Variants in SCD5 observed in about 807,000 individuals in gnomAD.
SCD5 encodes stearoyl-CoA desaturase 5, also known as acyl-CoA-desaturase 4.
SCD5 carries 20 observed loss-of-function variants against 30.4 expected under a neutral mutation model. The observed-to-expected ratio is 0.66, with a 90% CI of 0.46 to 0.96. The LOEUF is 0.96. Among genes scored for constraint, SCD5 ranks in the 40% least tolerant of loss-of-function variants. SCD5 has a pLI of 0.00. For missense variants in SCD5, 381 were observed against 443.3 expected (o/e 0.86, Z 1.26); for synonymous variants, 173 against 176.4 (o/e 0.98, Z 0.16).
intron 1 of SCD5, among the ~76,000 whole-genome samples, chr4:82,778,769 C>T (rs1180467407): frequency 6.6e-6 from 1 of 152,182 alleles, no homozygotes; most frequent in East Asian, 1.9e-4. Context: ...AATAACAGCT[C>T]CCAGAGATGT....
chr4:82,631,221 C>G lies in SCD5; in HGVS notation c.*106G>C. On this transcript the variant is annotated 3_prime_UTR_variant, in exon 5 of 5. Coordinates refer to ENST00000319540, the MANE Select transcript of SCD5 (RefSeq NM_001037582.3). ...CCCAAACCACATTGACTCGTTCCTT[C>G]CCCACCCTCTGCCCCCTCCCACGAT... The G allele has an allele frequency of 2.3e-6, 2 of 855,966 alleles. No individual in the cohort carries two copies. Among genetic ancestry groups the G allele is most frequent in the Non-Finnish European group, 3.4e-6 (2 of 580,028 alleles). 53.0% of individuals were successfully genotyped at this position (855,966 alleles called of 1,614,324 possible).
At chr4:82,691,177 C>T (rs1470362990) in intron 2 of SCD5, among the ~76,000 whole-genome samples, 1 of 152,182 alleles carries the variant, frequency 6.6e-6, no homozygotes, top group South Asian at 2.1e-4. Flanking sequence ...AGGCACTCAC[C>T]ACCACACCCA....
intron 3 of SCD5, among the ~76,000 whole-genome samples, chr4:82,670,210 T>C (rs1728279521): frequency 6.6e-6 from 1 of 152,042 alleles, no homozygotes; most frequent in South Asian, 2.1e-4. Flanking sequence ...CTTGGAATTG[T>C]CACACAGGAA....
chr4:82,707,476 T>C (rs1473150741), intron 1 of SCD5, among the ~76,000 whole-genome samples: 2 of 152,254 alleles, frequency 1.3e-5, no homozygotes, highest in African/African-American at 4.8e-5. Flanking sequence ...CTGGCATGCA[T>C]GGCCTTGTGT....
At chr4:82,756,059 G>A (rs1053935713) in intron 1 of SCD5, among the ~76,000 whole-genome samples, 3 of 152,150 alleles carry the variant, frequency 2.0e-5, no homozygotes, top group Non-Finnish European at 4.4e-5. Flanking sequence ...AGTGACAAGA[G>A]GCTCCAGGAG....
chr4:82,682,128 A>T (rs990176278), intron 2 of SCD5, among the ~76,000 whole-genome samples: 1 of 152,228 alleles, frequency 6.6e-6, no homozygotes, highest in East Asian at 1.9e-4. Context: ...GGAACAGGGC[A>T]GCACTCACTG....
intron 2 of SCD5, among the ~76,000 whole-genome samples, chr4:82,693,552 A>AAAAT (rs138796881): frequency 0.14 from 20,901 of 151,716 alleles, 1,669 homozygotes; most frequent in East Asian, 0.39. Context: ...ACTCTACAGC[A>AAAAT]AAATAAATAA....
At position 82,688,768 on chromosome 4, in the gene SCD5, C is replaced by G. The variant is rs550438751; in HGVS notation, c.364-7856G>C. Among the ~76,000 whole-genome samples the G allele has an allele frequency of 3.9e-5, 6 of 152,196 alleles. 1 individual carries two copies. The South Asian group carries it at 1.2e-3, about 32-fold the overall frequency. ...AGTAGTTTAAAAAGTGCCAATAAAACTTAAAGTTTGAAAAAAAGGAAAGAA... is the reference window on the plus strand; with the variant it reads ...AGTAGTTTAAAAAGTGCCAATAAAAGTTAAAGTTTGAAAAAAAGGAAAGAA... On this transcript the variant is annotated intron_variant, in intron 2 of 4. Transcript: ENST00000319540.
At chr4:82,653,707 T>TAGATGG (rs34976357) in intron 3 of SCD5, among the ~76,000 whole-genome samples, 1 of 61,630 alleles carries the variant, frequency 1.6e-5, no homozygotes, top group Non-Finnish European at 3.5e-5. Context: ...GATAGATAGA[T>TAGATGG]ATAGATAGAT....
At chr4:82,724,483 C>G (rs1321695594) in intron 1 of SCD5, among the ~76,000 whole-genome samples, 1 of 152,140 alleles carries the variant, frequency 6.6e-6, no homozygotes, top group Non-Finnish European at 1.5e-5. Context: ...ACAGACCTTG[C>G]TTTGTACAGA....
chr4:82,724,013 T>C (rs116476642), intron 1 of SCD5, among the ~76,000 whole-genome samples: 6,315 of 152,286 alleles, frequency 0.041, 185 homozygotes, highest in Non-Finnish European at 0.061. Flanking sequence ...CATTTAGGTG[T>C]AAATGGCCAC....
chr4:82,691,218 GT>G (rs1728828829), intron 2 of SCD5, among the ~76,000 whole-genome samples: 1 of 152,146 alleles, frequency 6.6e-6, no homozygotes, highest in Non-Finnish European at 1.5e-5. Context: ...TAGAGACGGG[GT>G]TTCATCATGT....
chr4:82,728,823 T>G (rs1261393488), intron 1 of SCD5, among the ~76,000 whole-genome samples: 4 of 152,230 alleles, frequency 2.6e-5, no homozygotes, highest in Non-Finnish European at 5.9e-5. Flanking sequence ...AATTAAACTC[T>G]TTCTCTACTG....
chr4:82,741,739 G>C (rs1208623598), intron 1 of SCD5, among the ~76,000 whole-genome samples: 2 of 151,064 alleles, frequency 1.3e-5, no homozygotes, highest in Non-Finnish European at 2.9e-5. Context: ...ATACCTACAT[G>C]ACTGTGAAAC....
rs57727794 is a variant in SCD5 at position 82,658,630 on chromosome 4, C to CTTTTTTTTTTTT, written c.570-21819_570-21808dup. Among the ~76,000 whole-genome samples, 30 of 116,940 alleles carry CTTTTTTTTTTTT rather than the reference C, an allele frequency of 2.6e-4. 2 individuals are homozygous for CTTTTTTTTTTTT. Among genetic ancestry groups the CTTTTTTTTTTTT allele is most frequent in the African/African-American group, 3.1e-4 (9 of 28,596 alleles). 76.7% of individuals were successfully genotyped at this position (116,940 alleles called of 152,430 possible). A position where few individuals can be genotyped will look rare whatever the true frequency, so the allele number is the denominator to read the frequency against. ...TACAAGTGTGTGCTACCACACCTGG[C>CTTTTTTTTTTTT]TTTTTTTTTTTTTTTTTTTTTTTTT... On this transcript the variant is annotated intron_variant, in intron 3 of 4. Transcript: ENST00000319540.
rs146725090 is a variant in SCD5 at position 82,631,366 on chromosome 4, G to T, written c.954C>A (p.Ile318=). The T allele has an allele frequency of 1.2e-6, 2 of 1,614,048 alleles. No individual in the cohort carries two copies. The highest frequency in any genetic ancestry group is 1.1e-5 in the South Asian group (1 of 91,054). Residue 318 remains isoleucine (I), a synonymous_variant, in exon 5 of 5, where the codon ATC becomes ATA. Transcript: ENST00000319540. ...CTCCAGTCCTGGCCTTCCGGGCCTC[G>T]ATCATCGGCTTGGTTGCCCGTTTGC... The part of the protein sequence containing the change: ...TDRKRATKPM[I]EARKARTGDS...
intron 4 of SCD5, among the ~76,000 whole-genome samples, chr4:82,635,703 C>A (rs1227032008): frequency 2.0e-5 from 3 of 151,252 alleles, no homozygotes; most frequent in Non-Finnish European, 2.9e-5. Flanking sequence ...CTCATTTAGC[C>A]CTCTAATGAC....
At chr4:82,775,728 A>G (rs1721730144) in intron 1 of SCD5, 1 of 152,264 alleles carries the variant, frequency 6.6e-6, no homozygotes, top group Non-Finnish European at 1.5e-5. Flanking sequence ...ATGGTAGCAC[A>G]TGCCTGTAGT....
chr4:82,722,759 C>T (rs1469469397), intron 1 of SCD5, among the ~76,000 whole-genome samples: 3 of 150,516 alleles, frequency 2.0e-5, no homozygotes, highest in South Asian at 2.1e-4. Context: ...GAGCCAAACT[C>T]CATCTCAAAA....
Sources: allele counts gnomAD v4.1 joint callset (sites outside exome capture counted in the v4.1 genomes callset), GRCh38; gene constraint gnomAD v4.1.1; transcripts MANE v1.5; gene names NCBI Gene and HGNC (gene_info 2026-07-23, HGNC 2026-07-21).